The following FAM118B variants were observed in gnomAD, a reference collection of about 807,000 sequenced individuals.
FAM118B encodes the protein protein FAM118B.
Under a neutral mutation model 38.5 loss-of-function variants are expected in FAM118B, and 24 were observed. The ratio of observed to expected loss-of-function variants is 0.62; its 90% CI spans 0.45 to 0.88. The LOEUF is 0.88. Ranked by LOEUF, FAM118B falls within the 40% of genes least tolerant of loss-of-function variation. The probability of loss-of-function intolerance (pLI) is 0.00; values close to 1 mark genes in which losing one functional copy is unlikely to be tolerated. For missense variants in FAM118B, 334 were observed against 420.0 expected (o/e 0.80, Z 1.79); for synonymous variants, 138 against 156.3 (o/e 0.88, Z 0.87).
At chr11:126,231,390 T>C (rs1403936350) in intron 2 of FAM118B, among the ~76,000 whole-genome samples, 1 of 151,640 alleles carries the variant, frequency 6.6e-6, no homozygotes, top group Non-Finnish European at 1.5e-5. Context: ...GCATTTTGTT[T>C]AGGGTACATG....
At chr11:126,239,567 A>G (rs1411287601) in intron 3 of FAM118B, among the ~76,000 whole-genome samples, 1 of 152,072 alleles carries the variant, frequency 6.6e-6, no homozygotes, top group Non-Finnish European at 1.5e-5. Flanking sequence ...CAGGGACTCC[A>G]TTTTGTTCAT....
At chr11:126,249,604 G>T (rs888609248) in intron 4 of FAM118B, among the ~76,000 whole-genome samples, 11 of 151,858 alleles carry the variant, frequency 7.2e-5, no homozygotes, top group Non-Finnish European at 1.5e-5. Flanking sequence ...AGTGGCAGGC[G>T]CCTGTAATCC....
chr11:126,237,220 T>TTC (rs1950287044), intron 3 of FAM118B, among the ~76,000 whole-genome samples: 1 of 101,976 alleles, frequency 9.8e-6, no homozygotes, highest in Non-Finnish European at 2.0e-5. Context: ...CTGGCCTTTT[T>TTC]TTTTTTTTTT....
chr11:126,229,046 G>T (rs1194941306), intron 1 of FAM118B, among the ~76,000 whole-genome samples, 179 bp from the exon 2 acceptor site: 1 of 152,118 alleles, frequency 6.6e-6, no homozygotes, highest in East Asian at 1.9e-4. Context: ...AATTGTTAAG[G>T]ACTCACTAGA....
chr11:126,223,523 G>A (rs564445904), intron 1 of FAM118B, among the ~76,000 whole-genome samples: 96 of 151,524 alleles, frequency 6.3e-4, no homozygotes, highest in African/African-American at 2.3e-3. Context: ...GCGTCAGCCC[G>A]GGAGGCAGAG....
At chr11:126,249,569 A>G (rs1387278413) in intron 4 of FAM118B, among the ~76,000 whole-genome samples, 2 of 151,892 alleles carry the variant, frequency 1.3e-5, no homozygotes, top group African/African-American at 2.4e-5. Flanking sequence ...CGTCTCTACT[A>G]AAAATACAAA....
At chr11:126,235,972 A>G (rs1419993727) in intron 3 of FAM118B, among the ~76,000 whole-genome samples, 1 of 150,078 alleles carries the variant, frequency 6.7e-6, no homozygotes, top group South Asian at 2.1e-4. Context: ...TTTGCTTTCA[A>G]TGTATTCTCA....
In FAM118B at chr11:126,250,765, GC is replaced by G. The variant is rs1950493268; in HGVS notation, c.567+33del. 1 of 1,499,490 alleles carries G rather than the reference GC, an allele frequency of 6.7e-7. No homozygotes were observed. Among genetic ancestry groups the G allele is most frequent in the Admixed American group, 1.8e-5 (1 of 55,316 alleles). The allele number at this position is 1,499,490 out of a possible 1,614,324, so 92.9% of individuals were successfully genotyped here. A position where few individuals can be genotyped will look rare whatever the true frequency, so the allele number is the denominator to read the frequency against. On this transcript the variant is annotated intron_variant, in intron 5 of 8. Transcript: ENST00000533050. This position sits in a 1 kb window ranked among gnomAD's most constrained non-coding sequence, Gnocchi z 5.1. ...AGTAAAGCATTGGTCCCTTCTTCAG[GC>G]TAGTGGATTTTATCTTCCTCAGAAA...
chr11:126,222,024 A>G (rs1950069876), intron 1 of FAM118B, among the ~76,000 whole-genome samples: 1 of 152,128 alleles, frequency 6.6e-6, no homozygotes, highest in Non-Finnish European at 1.5e-5. Flanking sequence ...AGACTTGTTA[A>G]GAGTGTGGCC....
intron 2 of FAM118B, among the ~76,000 whole-genome samples, chr11:126,232,218 A>C (rs1394075359): frequency 6.6e-6 from 1 of 152,118 alleles, no homozygotes; most frequent in Non-Finnish European, 1.5e-5. Context: ...TAGTCCAAAA[A>C]ATCTGAAATC....
chr11:126,245,348 A>C (rs1238171183), intron 4 of FAM118B: 1 of 152,178 alleles, frequency 6.6e-6, no homozygotes, highest in African/African-American at 2.4e-5. Context: ...CCGTCTTGAA[A>C]AAGAACAAAG....
chr11:126,238,954 T>C (rs1407554409), intron 3 of FAM118B, among the ~76,000 whole-genome samples: 4 of 151,966 alleles, frequency 2.6e-5, no homozygotes, highest in Non-Finnish European at 5.9e-5. Context: ...GTTAAATGTT[T>C]TATTTTTAAG....
intron 8 of FAM118B, 39 bp from the exon 9 acceptor site, chr11:126,262,081 G>A (rs1950712627): frequency 6.2e-7 from 1 of 1,613,012 alleles, no homozygotes; most frequent in Non-Finnish European, 8.5e-7. Context: ...AACCTGTTTT[G>A]TGAAACTTCA....
At chr11:126,238,326 C>T (rs928545923) in intron 3 of FAM118B, among the ~76,000 whole-genome samples, 1 of 151,862 alleles carries the variant, frequency 6.6e-6, no homozygotes, top group African/African-American at 2.4e-5. Context: ...TACGAGATTC[C>T]ATCTCAAAAA....
At chr11:126,234,627 A>G (rs1425674064) in intron 2 of FAM118B, among the ~76,000 whole-genome samples, 1 of 152,206 alleles carries the variant, frequency 6.6e-6, no homozygotes, top group African/African-American at 2.4e-5. Flanking sequence ...TTATCCCCTG[A>G]GTCTTCCGCA....
In FAM118B at chr11:126,262,264, G is replaced by A; in HGVS notation, c.*131G>A. 1.1e-6 allele frequency: 1 copy of A among 912,086 alleles called. No individual in the cohort carries two copies. The highest frequency in any genetic ancestry group is 1.4e-5 in the South Asian group (1 of 71,048). 56.5% of individuals were successfully genotyped at this position (912,086 alleles called of 1,614,324 possible). On this transcript the variant is annotated 3_prime_UTR_variant, in exon 9 of 9. Transcript: ENST00000533050. ...ACAATAGCCAGAGGTTGAAGGGCGG[G>A]GTAGAAGAGGGGGGAATGTTGCAGC...
intron 7 of FAM118B, among the ~76,000 whole-genome samples, chr11:126,259,216 A>C (rs1244496453): frequency 3.9e-5 from 6 of 152,332 alleles, no homozygotes; most frequent in African/African-American, 1.4e-4. Context: ...ATGAGAGGTT[A>C]CAGGTCTTTT....
chr11:126,246,446 G>A (rs1341122330), intron 4 of FAM118B, among the ~76,000 whole-genome samples: 1 of 152,124 alleles, frequency 6.6e-6, no homozygotes, highest in Non-Finnish European at 1.5e-5. Flanking sequence ...CCCTTAACTT[G>A]TCAACATCTG....
Position 126,230,168 on chromosome 11 carries a change from G to A in FAM118B, c.-8+875G>A, listed in dbSNP as rs183709286. On this transcript the variant is annotated intron_variant, in intron 2 of 8. Transcript: ENST00000533050. Reference sequence around the variant, plus strand: ...CCTGTGTGCTGAGATAGAGGAAACCGTGAGTTTGCTTTATCCACTGATGGG... The same window carrying A: ...CCTGTGTGCTGAGATAGAGGAAACCATGAGTTTGCTTTATCCACTGATGGG... Among the ~76,000 whole-genome samples, 517 of 152,294 alleles carry A rather than the reference G, an allele frequency of 3.4e-3. 1 individual carries two copies. Among genetic ancestry groups the A allele is most frequent in the Non-Finnish European group, 4.0e-3 (274 of 68,032 alleles).
Sources: allele counts gnomAD v4.1 joint callset (sites outside exome capture counted in the v4.1 genomes callset), GRCh38; gene constraint gnomAD v4.1.1; non-coding constraint Gnocchi (gnomAD v3.1); transcripts MANE v1.5; gene names NCBI Gene and HGNC (gene_info 2026-07-23, HGNC 2026-07-21).